Variants in MS4A18 observed in about 807,000 individuals in gnomAD.
The protein encoded by MS4A18 is membrane spanning 4-domains A18, also known as membrane-spanning 4-domains subfamily A member 18.
A neutral mutation model predicts 13.1 loss-of-function variants in MS4A18; 27 were observed. The observed-to-expected ratio is 2.06, with a 90% CI of 1.52 to 2.84. The LOEUF (loss-of-function observed/expected upper bound fraction) is 2.84, where lower values mean the gene tolerates loss of function less well. MS4A18 is among the 30% of genes most tolerant of loss of function. The probability of loss-of-function intolerance (pLI) is 0.00; values close to 1 mark genes in which losing one functional copy is unlikely to be tolerated. For missense variants in MS4A18, 307 were observed against 196.4 expected, an observed-to-expected ratio of 1.56 and a Z score of -3.37; for synonymous variants, 126 against 76.5, an observed-to-expected ratio of 1.65 and a Z score of -3.38.
chr11:60,743,816 T>C (rs1853444059), exon 6 of MS4A18: 1 of 702,004 alleles, frequency 1.4e-6, no homozygotes, highest in Non-Finnish European at 2.6e-6. Context: ...ACCAGCCCTG[T>C]CAACACCACC....
At chr11:60,737,382 A>G (rs1253334546) in intron 3 of MS4A18, among the ~76,000 whole-genome samples, 1 of 152,226 alleles carries the variant, frequency 6.6e-6, no homozygotes, top group African/African-American at 2.4e-5. Context: ...GAAACTCATG[A>G]GTATTTACAC....
At chr11:60,725,773 A>G (rs1043134289), upstream of MS4A18, among the ~76,000 whole-genome samples, 1 of 152,136 alleles carries the variant, frequency 6.6e-6, no homozygotes, top group African/African-American at 2.4e-5. Context: ...CTGTGTGACT[A>G]TGGTCAAGGC....
upstream of MS4A18, among the ~76,000 whole-genome samples, chr11:60,724,865 A>G (rs1219952769): frequency 6.6e-6 from 1 of 152,178 alleles, no homozygotes; most frequent in Non-Finnish European, 1.5e-5. Flanking sequence ...ACGTGGACCT[A>G]GGCGGTCCCT....
At chr11:60,741,112 G>T in exon 5 of MS4A18, 1 of 703,004 alleles carries the variant, frequency 1.4e-6, no homozygotes, top group Non-Finnish European at 2.6e-6. Flanking sequence ...TCACATTTTG[G>T]GTGCCAGGCT....
At chr11:60,728,929 A>C (rs1028179438), upstream of MS4A18, among the ~76,000 whole-genome samples, 12 of 152,182 alleles carry the variant, frequency 7.9e-5, no homozygotes, top group African/African-American at 2.9e-4. Flanking sequence ...ATTTGGGGTC[A>C]GTTGTTCACC....
upstream of MS4A18, among the ~76,000 whole-genome samples, chr11:60,726,708 G>T (rs1291766576): frequency 8.0e-6 from 1 of 125,676 alleles, no homozygotes; most frequent in East Asian, 2.2e-4. Context: ...TTTTAAGATT[G>T]GGGTAACACT....
At chr11:60,739,100 G>A (rs1853382257) in intron 4 of MS4A18, 103 bp downstream of exon 5, 2 of 656,890 alleles carry the variant, frequency 3.0e-6, no homozygotes, top group Admixed American at 2.3e-5. Flanking sequence ...TTCCATCCTA[G>A]TATGACAACC....
At chr11:60,739,375 C>T (rs1565061578) in intron 4 of MS4A18, among the ~76,000 whole-genome samples, 1 of 152,120 alleles carries the variant, frequency 6.6e-6, no homozygotes, top group Non-Finnish European at 1.5e-5. Context: ...GGTGCGGATG[C>T]TAGTTCTGGT....
At chr11:60,736,327 A>T (rs1853339197) in intron 2 of MS4A18, among the ~76,000 whole-genome samples, 1 of 146,494 alleles carries the variant, frequency 6.8e-6, no homozygotes, top group Non-Finnish European at 1.5e-5. Context: ...GGCTATGAGG[A>T]TGACACCACC....
At chr11:60,726,160 AT>A (rs1853159089), upstream of MS4A18, among the ~76,000 whole-genome samples, 1 of 152,200 alleles carries the variant, frequency 6.6e-6, no homozygotes, top group South Asian at 2.1e-4. Context: ...TAGACAAGTT[AT>A]TCCACTTTCA....
intron 4 of MS4A18, among the ~76,000 whole-genome samples, chr11:60,740,513 G>C (rs1398909382): frequency 6.6e-6 from 1 of 152,220 alleles, no homozygotes; most frequent in Non-Finnish European, 1.5e-5. Context: ...CCCTGACCTA[G>C]CTGGTGTCTA....
At chr11:60,727,111 A>G (rs966168591), upstream of MS4A18, among the ~76,000 whole-genome samples, 10 of 152,136 alleles carry the variant, frequency 6.6e-5, no homozygotes, top group Non-Finnish European at 1.3e-4. Context: ...TTATGGCTGC[A>G]TAGTATTCCA....
In MS4A18 at chr11:60,733,524, C is replaced by T. The variant is rs765270670; in HGVS notation, c.478-10C>T. ...TTCTGCTCTCTCACAGTGACTTGTT[C>T]TCCCTGCAGGCCATCCAGATCCTCA... On this transcript the variant is annotated splice_polypyrimidine_tract_variant and intron_variant, in intron 1 of 5. Transcript: ENST00000529108. 2.8e-6 allele frequency: 2 copies of T among 703,180 alleles called. No individual in the cohort carries two copies. Among genetic ancestry groups the T allele is most frequent in the Non-Finnish European group, 5.2e-6 (2 of 385,022 alleles). 43.6% of individuals were successfully genotyped at this position (703,180 alleles called of 1,614,324 possible). A position where few individuals can be genotyped will look rare whatever the true frequency, so the allele number is the denominator to read the frequency against.
chr11:60,728,563 C>T (rs949136821), upstream of MS4A18, among the ~76,000 whole-genome samples: 1 of 150,774 alleles, frequency 6.6e-6, no homozygotes, highest in Admixed American at 6.6e-5. Context: ...TTCCCTCTCT[C>T]TGTGTGTGTG....
At chr11:60,726,443 C>T (rs539269988), upstream of MS4A18, among the ~76,000 whole-genome samples, 66 of 152,224 alleles carry the variant, frequency 4.3e-4, no homozygotes, top group South Asian at 1.5e-3. Flanking sequence ...GGCATTTCTG[C>T]ATGGAAGTGG....
upstream of MS4A18, among the ~76,000 whole-genome samples, chr11:60,726,535 G>C (rs911537403): frequency 1.8e-4 from 27 of 152,118 alleles, no homozygotes; most frequent in Non-Finnish European, 4.4e-5. Context: ...GGACTTTCTA[G>C]TAGCTCTGGG....
chr11:60,744,708 G>C (rs1853462221), downstream of MS4A18, among the ~76,000 whole-genome samples: 1 of 152,158 alleles, frequency 6.6e-6, no homozygotes, highest in Non-Finnish European at 1.5e-5. Flanking sequence ...CAAAAGGCTT[G>C]AACAGAGGCT....
At chr11:60,733,355 A>T (rs955046235) in intron 1 of MS4A18, among the ~76,000 whole-genome samples, 179 bp from the exon 3 acceptor site, 9 of 152,100 alleles carry the variant, frequency 5.9e-5, no homozygotes, top group African/African-American at 1.7e-4. Flanking sequence ...TGAAGTTTTT[A>T]AAAAAACACC....
In MS4A18 at chr11:60,743,819, ACACC is replaced by A; in HGVS notation, c.1029_1032del (p.Asn343LysfsTer22). On this transcript the variant is annotated frameshift_variant, in exon 6 of 6. Coordinates refer to ENST00000529108, the Ensembl canonical transcript of MS4A18. LOFTEE classifies it low-confidence loss of function (END_TRUNC). ...GTCAACACCACCACCAGCCCTGTCA[ACACC>A]ACCACCAGCCCTGTCAATGTTACCA... The A allele has an allele frequency of 1.4e-6, 1 of 702,922 alleles. No individual in the cohort carries two copies. Among genetic ancestry groups the A allele is most frequent in the Non-Finnish European group, 2.6e-6 (1 of 384,974 alleles). 43.5% of individuals were successfully genotyped at this position (702,922 alleles called of 1,614,324 possible).
Sources: allele counts gnomAD v4.1 joint callset (sites outside exome capture counted in the v4.1 genomes callset), GRCh38; gene constraint gnomAD v4.1.1; transcripts MANE v1.5; gene names NCBI Gene and HGNC (gene_info 2026-07-23, HGNC 2026-07-21).